Variants in SLC25A26 observed in about 807,000 individuals in gnomAD.
SLC25A26 encodes the protein mitochondrial S-adenosylmethionine carrier protein.
In SLC25A26, 36 loss-of-function variants were observed where a neutral mutation model predicts 37.8. The observed-to-expected ratio is 0.95, with a 90% CI of 0.73 to 1.26. The LOEUF (loss-of-function observed/expected upper bound fraction) is 1.26. Among genes scored for constraint, SLC25A26 ranks in the 50% most tolerant of loss-of-function variants. The pLI is 0.00. For synonymous variants in SLC25A26, 129 were observed against 122.5 expected (o/e 1.05, Z -0.35); for missense variants, 390 against 331.1 (o/e 1.18, Z -1.38).
At chr3:66,322,674 A>T (rs894045208) in intron 5 of SLC25A26, among the ~76,000 whole-genome samples, 1 of 152,246 alleles carries the variant, frequency 6.6e-6, no homozygotes, top group Non-Finnish European at 1.5e-5. Flanking sequence ...TGGGCAAATG[A>T]ATGTAGACTT....
upstream of SLC25A26, among the ~76,000 whole-genome samples, chr3:66,219,064 C>A (rs1258426476): frequency 6.6e-6 from 1 of 152,160 alleles, no homozygotes; most frequent in African/African-American, 2.4e-5. Context: ...ACAAATAATA[C>A]AGATTTTGGT....
chr3:66,233,565 TA>T (rs1454519888), intron 1 of SLC25A26, among the ~76,000 whole-genome samples: 2 of 152,258 alleles, frequency 1.3e-5, no homozygotes, highest in Non-Finnish European at 2.9e-5. Context: ...CTGGCTTATA[TA>T]TTTTTTACAT....
In SLC25A26 at chr3:66,307,275, ATTTG is replaced by A. The variant is rs1381798092; in HGVS notation, c.454-39082_454-39079del. On this transcript the variant is annotated intron_variant, in intron 5 of 9. Transcript: ENST00000354883. ...GAGCAGTGATGATGAGCTTTTTTTC[ATTTG>A]TTTGTTGGCCGCATAAATGTCTTCT... 2.0e-5 allele frequency among the ~76,000 whole-genome samples: 3 copies of A among 151,928 alleles called. No individual in the cohort carries two copies. In the East Asian group the frequency reaches 5.8e-4, roughly 29 times the overall value.
At position 66,223,977 on chromosome 3, in the gene SLC25A26, A is replaced by G. The variant is rs142892087; in HGVS notation, c.33+2850A>G. Among the ~76,000 whole-genome samples, 764 of 152,334 alleles carry G rather than the reference A, an allele frequency of 5.0e-3. 14 individuals are homozygous for G. Among genetic ancestry groups the G allele is most frequent in the African/African-American group, 0.013 (560 of 41,572 alleles). On this transcript the variant is annotated intron_variant, in intron 1 of 9. Coordinates refer to ENST00000354883, the MANE Select transcript of SLC25A26 (RefSeq NM_001379210.1). ...GCTGCTAAAACATGGGACAGAGGGG[A>G]AGAATTAGACAAACAATGGGAAACC...
intron 3 of SLC25A26, among the ~76,000 whole-genome samples, chr3:66,260,201 C>T (rs891145900): frequency 6.6e-6 from 1 of 152,094 alleles, no homozygotes; most frequent in Non-Finnish European, 1.5e-5. Context: ...CGCCCCACCC[C>T]CCTTTTGGCC....
chr3:66,153,409 T>G (rs997003154), intron 1 of SLC25A26, among the ~76,000 whole-genome samples: 7 of 152,226 alleles, frequency 4.6e-5, no homozygotes, highest in African/African-American at 9.6e-5. Context: ...TTATTGCCCT[T>G]AAGAATTAAC....
rs528225332 is a variant in SLC25A26, at chr3:66,228,221, C to T, written c.33+7094C>T. On this transcript the variant is annotated intron_variant, in intron 1 of 9. Transcript: ENST00000354883. Reference sequence around the variant, plus strand: ...ATCATGCAAGGACCACAACTGATAACCACCACTGTGATGGAGGCATTTTTT... The same window carrying T: ...ATCATGCAAGGACCACAACTGATAATCACCACTGTGATGGAGGCATTTTTT... 1.6e-4 allele frequency among the ~76,000 whole-genome samples: 24 copies of T among 152,350 alleles called. No individual in the cohort carries two copies. In the South Asian group the frequency reaches 4.8e-3, roughly 30 times the overall value.
intron 3 of SLC25A26, among the ~76,000 whole-genome samples, chr3:66,256,269 C>T (rs782300473): frequency 2.6e-5 from 4 of 152,082 alleles, no homozygotes; most frequent in Admixed American, 6.5e-5. Flanking sequence ...TTAGGCCTTA[C>T]TGGTAAGCTG....
chr3:66,333,039 G>A (rs116067697), intron 5 of SLC25A26, among the ~76,000 whole-genome samples: 1,794 of 152,132 alleles, frequency 0.012, 39 homozygotes, highest in African/African-American at 0.041. Flanking sequence ...CCATTGTCGC[G>A]GGTGAGAAGT....
intron 1 of SLC25A26, among the ~76,000 whole-genome samples, chr3:66,191,166 G>A (rs1176558916): frequency 5.9e-5 from 9 of 152,156 alleles, no homozygotes; most frequent in Admixed American, 3.3e-4. Flanking sequence ...TAATAAGGAC[G>A]AGTCTAAGCA....
chr3:66,238,807 G>C (rs567035340), intron 2 of SLC25A26, among the ~76,000 whole-genome samples: 1 of 152,068 alleles, frequency 6.6e-6, no homozygotes, highest in South Asian at 2.1e-4. Context: ...AGGAGGAGGA[G>C]GAAAAAGAGG....
intron 1 of SLC25A26, among the ~76,000 whole-genome samples, chr3:66,205,882 T>G (rs1476453319): frequency 6.6e-6 from 1 of 152,168 alleles, no homozygotes; most frequent in African/African-American, 2.4e-5. Flanking sequence ...TGCAGGTAGC[T>G]TCTGCAGGGA....
At chr3:66,203,569 T>C (rs1315970931) in intron 1 of SLC25A26, among the ~76,000 whole-genome samples, 1 of 152,224 alleles carries the variant, frequency 6.6e-6, no homozygotes, top group Non-Finnish European at 1.5e-5. Flanking sequence ...ATGTTTGATT[T>C]TGCGTTTTTA....
chr3:66,344,429 C>G (rs182834518), intron 5 of SLC25A26, among the ~76,000 whole-genome samples: 42 of 152,046 alleles, frequency 2.8e-4, no homozygotes, highest in African/African-American at 7.7e-4. Context: ...TGCCACTGCA[C>G]TCCCGCCTGA....
At chr3:66,168,216 C>CACACACAT (rs1221791020) in intron 1 of SLC25A26, among the ~76,000 whole-genome samples, 10 of 64,256 alleles carry the variant, frequency 1.6e-4, no homozygotes, top group African/African-American at 5.3e-4. Flanking sequence ...CACACACACA[C>CACACACAT]ATATATATCT....
rs559637140 is a variant in SLC25A26 at position 66,283,172 on chromosome 3, T to A, written c.453+19793T>A. ...ATTCCTGTTAATAGTCATGTATAAG[T>A]TTTTGTGTGAACATCATTTTCATTT... On this transcript the variant is annotated intron_variant, in intron 5 of 9. Coordinates refer to ENST00000354883, the MANE Select transcript of SLC25A26 (RefSeq NM_001379210.1). Among the ~76,000 whole-genome samples, 4 of 152,324 alleles carry A rather than the reference T, an allele frequency of 2.6e-5. No individual in the cohort carries two copies. The South Asian group carries it at 8.3e-4, about 32-fold the overall frequency.
chr3:66,155,961 C>T (rs1007445267), intron 1 of SLC25A26, among the ~76,000 whole-genome samples: 11 of 152,102 alleles, frequency 7.2e-5, no homozygotes, highest in African/African-American at 2.4e-4. Context: ...TCTCTGAGTC[C>T]CAAACCCAAA....
chr3:66,223,962 C>T (rs1185116019), intron 1 of SLC25A26, among the ~76,000 whole-genome samples: 3 of 152,246 alleles, frequency 2.0e-5, no homozygotes, highest in African/African-American at 7.2e-5. Context: ...GCTGCTAAAA[C>T]ATGGGACAGA....
chr3:66,283,560 G>C (rs778219250), intron 5 of SLC25A26, among the ~76,000 whole-genome samples: 55 of 152,132 alleles, frequency 3.6e-4, no homozygotes, highest in Admixed American at 5.2e-4. Context: ...GGGGTTATTA[G>C]GCCACTGTGC....
Sources: gnomAD v4.1 joint callset for allele counts (sites outside exome capture counted in the v4.1 genomes callset) on GRCh38, gnomAD v4.1.1 for gene constraint, MANE v1.5 for transcripts, NCBI Gene and HGNC (gene_info 2026-07-23, HGNC 2026-07-21) for gene names.